The following PPP3CA variants were observed in gnomAD, a reference collection of about 807,000 sequenced individuals.
The protein encoded by PPP3CA is protein phosphatase 3 catalytic subunit alpha, also known as CAM-PRP catalytic subunit.
PPP3CA carries 14 observed loss-of-function variants against 66.5 expected under a neutral mutation model. The observed-to-expected ratio is 0.21, with a 90% CI of 0.14 to 0.33. The LOEUF (loss-of-function observed/expected upper bound fraction) is 0.33. Ranked by LOEUF, PPP3CA falls within the 10% of genes least tolerant of loss-of-function variation. The pLI is 1.00. For synonymous variants in PPP3CA, 232 were observed against 226.2 expected (o/e 1.03, Z -0.23); for missense variants, 317 against 639.5 (o/e 0.50, Z 5.44).
chr4:101,306,209 T>C (rs894560879), intron 1 of PPP3CA, among the ~76,000 whole-genome samples: 8 of 152,186 alleles, frequency 5.3e-5, no homozygotes, highest in Admixed American at 4.6e-4. Context: ...GTCATTAATC[T>C]AAGCGCATAT....
At chr4:101,259,843 G>A (rs992650961) in intron 1 of PPP3CA, among the ~76,000 whole-genome samples, 2 of 152,114 alleles carry the variant, frequency 1.3e-5, no homozygotes, top group African/African-American at 4.8e-5. Flanking sequence ...GGTATATTGT[G>A]AATATGCTCC....
At chr4:101,293,235 C>T (rs528186052) in intron 1 of PPP3CA, among the ~76,000 whole-genome samples, 1 of 152,278 alleles carries the variant, frequency 6.6e-6, no homozygotes, top group South Asian at 2.1e-4. Flanking sequence ...CCTTCGTTTT[C>T]TCCTCCTTTA....
At chr4:101,159,062 T>C (rs981508504) in intron 2 of PPP3CA, among the ~76,000 whole-genome samples, 1 of 152,204 alleles carries the variant, frequency 6.6e-6, no homozygotes, top group Non-Finnish European at 1.5e-5. Flanking sequence ...AGAAAGGTAC[T>C]ATTATTACCT....
At chr4:101,194,077 G>A (rs1318600401) in intron 2 of PPP3CA, among the ~76,000 whole-genome samples, 1 of 152,134 alleles carries the variant, frequency 6.6e-6, no homozygotes, top group Non-Finnish European at 1.5e-5. Flanking sequence ...GTAACTTACA[G>A]AGTAAGTCTC....
chr4:101,264,459 AGTTAAC>A (rs1727106240), intron 1 of PPP3CA, among the ~76,000 whole-genome samples: 1 of 20,792 alleles, frequency 4.8e-5, no homozygotes, highest in Non-Finnish European at 2.2e-4. Flanking sequence ...AGAAAAAGAA[AGTTAAC>A]AAAAAGAAAA....
rs1243526709 is a variant in PPP3CA, at chr4:101,071,048, G to A, written c.956-7691C>T. ...CAAATCTAGACTAAAAACAGAGAGA[G>A]AGAGTCTTAGCTGAAGCTTTAAGCT... On this transcript the variant is annotated intron_variant, in intron 8 of 13. Transcript: ENST00000394854. Among the ~76,000 whole-genome samples, 12 of 152,300 alleles carry A rather than the reference G, an allele frequency of 7.9e-5. No homozygotes were observed. The East Asian group carries it at 2.3e-3, about 29-fold the overall frequency.
intron 6 of PPP3CA, among the ~76,000 whole-genome samples, chr4:101,085,040 C>A (rs1729602110): frequency 6.6e-6 from 1 of 151,880 alleles, no homozygotes; most frequent in South Asian, 2.1e-4. Flanking sequence ...AGAAAAAAAA[C>A]AAAAACAAAA....
intron 1 of PPP3CA, among the ~76,000 whole-genome samples, chr4:101,210,964 G>A (rs938294985): frequency 6.6e-6 from 1 of 152,136 alleles, no homozygotes; most frequent in Non-Finnish European, 1.5e-5. Flanking sequence ...ACAATGAAAT[G>A]ATAAAATGTT....
intron 1 of PPP3CA, among the ~76,000 whole-genome samples, chr4:101,211,785 T>A (rs551678089): frequency 6.6e-6 from 1 of 152,320 alleles, no homozygotes; most frequent in South Asian, 2.1e-4. Context: ...TTAAAAAGCA[T>A]GTTAGTTAAC....
At chr4:101,224,156 A>C (rs1248386305) in intron 1 of PPP3CA, among the ~76,000 whole-genome samples, 1 of 151,780 alleles carries the variant, frequency 6.6e-6, no homozygotes, top group Non-Finnish European at 1.5e-5. Context: ...GAGGAATGAA[A>C]GGGGTGCTAT....
chr4:101,104,660 T>C (rs1002146989), intron 3 of PPP3CA, among the ~76,000 whole-genome samples: 2 of 152,186 alleles, frequency 1.3e-5, no homozygotes, highest in South Asian at 2.1e-4. Flanking sequence ...ATTCAAACTA[T>C]TGAAACAACA....
chr4:101,336,634 G>T (rs1417986763), intron 1 of PPP3CA, among the ~76,000 whole-genome samples: 1 of 151,800 alleles, frequency 6.6e-6, no homozygotes, highest in Non-Finnish European at 1.5e-5. Context: ...CTCTCTGGAG[G>T]CAAACAGGTA....
intron 1 of PPP3CA, among the ~76,000 whole-genome samples, chr4:101,281,141 G>A (rs934363535): frequency 5.3e-5 from 8 of 152,184 alleles, no homozygotes; most frequent in African/African-American, 1.9e-4. Flanking sequence ...ACAACACTGA[G>A]GTTATTGGAG....
chr4:101,035,673 T>C (rs1280405497), intron 11 of PPP3CA, among the ~76,000 whole-genome samples: 2 of 152,206 alleles, frequency 1.3e-5, no homozygotes, highest in African/African-American at 4.8e-5. Flanking sequence ...TTGCTCTTTT[T>C]TTCTTTCTTG....
intron 2 of PPP3CA, among the ~76,000 whole-genome samples, chr4:101,139,524 G>A (rs2110290001): frequency 6.6e-6 from 1 of 152,130 alleles, no homozygotes; most frequent in South Asian, 2.1e-4. Context: ...CCTTGCATCT[G>A]TACATTGTGG....
intron 1 of PPP3CA, among the ~76,000 whole-genome samples, chr4:101,212,928 G>A (rs1009104630): frequency 1.3e-5 from 2 of 151,934 alleles, no homozygotes; most frequent in African/African-American, 4.8e-5. Flanking sequence ...TTTTCTTAGC[G>A]ATCTGAATAA....
intron 6 of PPP3CA, among the ~76,000 whole-genome samples, chr4:101,086,602 C>T (rs1729685422): frequency 6.6e-6 from 1 of 151,910 alleles, no homozygotes; most frequent in African/African-American, 2.4e-5. Context: ...GTTTTTCCTC[C>T]TGGAAAGGCC....
intron 10 of PPP3CA, among the ~76,000 whole-genome samples, chr4:101,044,064 C>T (rs1245422698): frequency 6.6e-6 from 1 of 152,118 alleles, no homozygotes; most frequent in Admixed American, 6.5e-5. Flanking sequence ...TCAAAATTAG[C>T]TCTAACCACA....
chr4:101,047,708 A>T (rs1478861631), intron 10 of PPP3CA, among the ~76,000 whole-genome samples: 1 of 152,054 alleles, frequency 6.6e-6, no homozygotes, highest in African/African-American at 2.4e-5. Flanking sequence ...CTACCGCCTC[A>T]GTCTCCCCAG....
Sources: allele counts gnomAD v4.1 joint callset (sites outside exome capture counted in the v4.1 genomes callset), GRCh38; gene constraint gnomAD v4.1.1; transcripts MANE v1.5; gene names NCBI Gene and HGNC (gene_info 2026-07-23, HGNC 2026-07-21).